Variants in ENTPD7 observed in about 807,000 individuals in gnomAD.
ENTPD7 encodes NTPDase 7.
A neutral mutation model predicts 77.9 loss-of-function variants in ENTPD7; 53 were observed. The ratio of observed to expected loss-of-function variants is 0.68; its 90% confidence interval spans 0.55 to 0.85. The LOEUF is 0.85. ENTPD7 is among the 40% of genes least tolerant of loss of function. The pLI, the probability that ENTPD7 is intolerant of heterozygous loss-of-function variation, is 0.00. For synonymous variants in ENTPD7, 248 were observed against 274.9 expected (o/e 0.90, Z 0.97); for missense variants, 636 against 743.7 (o/e 0.86, Z 1.68).
At chr10:99,669,117 A>G (rs1209820973) in intron 3 of ENTPD7, among the ~76,000 whole-genome samples, 9 of 151,178 alleles carry the variant, frequency 6.0e-5, no homozygotes, top group African/African-American at 2.2e-4. Flanking sequence ...GGCTCAAGCA[A>G]TCCACCTGCC....
At chr10:99,696,193 C>CA in intron 9 of ENTPD7, 71 bp downstream of exon 9, 1 of 1,548,972 alleles carries the variant, frequency 6.5e-7, no homozygotes, top group Non-Finnish European at 8.8e-7. Context: ...GAAATACTCA[C>CA]ATCCTCCTAA....
chr10:99,674,745 T>C (rs1211184352), intron 3 of ENTPD7, among the ~76,000 whole-genome samples: 1 of 152,240 alleles, frequency 6.6e-6, no homozygotes, highest in Non-Finnish European at 1.5e-5. Context: ...TTGTCATGTT[T>C]TTTACCTTTT....
intron 8 of ENTPD7, among the ~76,000 whole-genome samples, chr10:99,692,305 C>T (rs997674545): frequency 2.0e-5 from 3 of 152,184 alleles, no homozygotes; most frequent in Non-Finnish European, 2.9e-5. Context: ...TACCAGATGT[C>T]AGTAACAACC....
chr10:99,701,760 TA>T (rs2036134684), intron 11 of ENTPD7, among the ~76,000 whole-genome samples: 2 of 151,986 alleles, frequency 1.3e-5, no homozygotes, highest in Non-Finnish European at 2.9e-5. Context: ...AAAAATTGTT[TA>T]AAATTGCCGG....
In ENTPD7 at chr10:99,709,674, C is replaced by G. The variant is rs2036324168; in HGVS notation, c.*4991C>G. On this transcript the variant is annotated 3_prime_UTR_variant, in exon 13 of 13. Coordinates refer to ENST00000370489, the MANE Select transcript of ENTPD7 (RefSeq NM_020354.5). ...AGCTGTGGCACCCTGTTTGGGTGTC[C>G]CATCTACCCTGTTTTCTGTTTCTGC... The G allele has an allele frequency of 1.0e-6, 1 of 985,254 alleles. No homozygotes were observed. The highest frequency in any genetic ancestry group is 1.2e-6 in the Non-Finnish European group (1 of 829,928). The allele number at this position is 985,254 out of a possible 1,614,324, so 61.0% of individuals were successfully genotyped here. A position where few individuals can be genotyped will look rare whatever the true frequency, so the allele number is the denominator to read the frequency against.
At chr10:99,701,141 T>A in intron 11 of ENTPD7, 83 bp downstream of exon 11, 1 of 1,194,640 alleles carries the variant, frequency 8.4e-7, no homozygotes. Flanking sequence ...ATAATGCAGA[T>A]TAGATTTCAT....
Position 99,710,762 on chromosome 10 carries a change from A to C in ENTPD7, c.*6079A>C. On this transcript the variant is annotated 3_prime_UTR_variant, in exon 13 of 13. Transcript: ENST00000370489. ...CCTAAAATCATGATTATCAGTGTTGATCTCTGCAACCAACATTGCTTTAGG... is the reference window on the plus strand; with the variant it reads ...CCTAAAATCATGATTATCAGTGTTGCTCTCTGCAACCAACATTGCTTTAGG... 2.0e-6 allele frequency: 2 copies of C among 985,374 alleles called. No homozygotes were observed. Among genetic ancestry groups the C allele is most frequent in the Non-Finnish European group, 2.4e-6 (2 of 829,882 alleles). The allele number at this position is 985,374 out of a possible 1,614,324, so 61.0% of individuals were successfully genotyped here.
At position 99,696,402 on chromosome 10, in the gene ENTPD7, G is replaced by A. The variant is rs117720647; in HGVS notation, c.1010+280G>A. 2.2e-4 allele frequency among the ~76,000 whole-genome samples: 33 copies of A among 152,310 alleles called. 1 individual carries two copies. In the East Asian group the frequency reaches 2.9e-3, roughly 13 times the overall value. On this transcript the variant is annotated intron_variant, in intron 9 of 12. Coordinates refer to ENST00000370489, the MANE Select transcript of ENTPD7 (RefSeq NM_020354.5). ...AGACCTAACATCATGGGAAAAGGGA[G>A]ATGAATTAAATTGCCAGTTTAAAAT...
Position 99,709,071 on chromosome 10 carries a change from T to C in ENTPD7, c.*4388T>C, listed in dbSNP as rs2036307681. On this transcript the variant is annotated 3_prime_UTR_variant, in exon 13 of 13. Coordinates refer to ENST00000370489, the MANE Select transcript of ENTPD7 (RefSeq NM_020354.5). Reference sequence around the variant, plus strand: ...TGTTCCTGTATTTCTTTTCGTACTTTTAAATTTTATACATCTTTTTAAAAC... The same window carrying C: ...TGTTCCTGTATTTCTTTTCGTACTTCTAAATTTTATACATCTTTTTAAAAC... The C allele has an allele frequency of 6.1e-6, 6 of 982,416 alleles. No individual in the cohort carries two copies. The highest frequency in any genetic ancestry group is 7.3e-6 in the Non-Finnish European group (6 of 827,164). The allele number at this position is 982,416 out of a possible 1,614,324, so 60.9% of individuals were successfully genotyped here. A position where few individuals can be genotyped will look rare whatever the true frequency, so the allele number is the denominator to read the frequency against.
At position 99,659,546 on chromosome 10, in the gene ENTPD7, T is replaced by C. The variant is rs116235501; in HGVS notation, c.-138T>C. The C allele has an allele frequency of 3.1e-3, 500 of 163,216 alleles. 3 individuals are homozygous for C. The highest frequency in any genetic ancestry group is 0.011 in the African/African-American group (476 of 41,880). The allele number at this position is 163,216 out of a possible 1,614,324, so 10.1% of individuals were successfully genotyped here. ...GGGGCCGCGGGGAGCAGCTCGGGAC[T>C]GAACCGAGAGGTGCCGAAGGAACCG... is the stretch of plus-strand genomic sequence containing the variant. On this transcript the variant is annotated 5_prime_UTR_variant, in exon 1 of 13. Transcript: ENST00000370489. This position sits in a 1 kb window ranked among gnomAD's most constrained non-coding sequence, Gnocchi z 4.1.
chr10:99,698,152 C>T (rs1187664771), intron 9 of ENTPD7, among the ~76,000 whole-genome samples: 7 of 152,180 alleles, frequency 4.6e-5, no homozygotes, highest in Admixed American at 4.6e-4. Flanking sequence ...CAGTCCTTCC[C>T]ACCTCACCCC....
Position 99,706,508 on chromosome 10 carries a change from TA to T in ENTPD7, c.*1826del, listed in dbSNP as rs1325768002. 2.7e-5 allele frequency among the ~76,000 whole-genome samples: 3 copies of T among 112,188 alleles called. No homozygotes were observed. Among genetic ancestry groups the T allele is most frequent in the Non-Finnish European group, 6.3e-5 (3 of 47,884 alleles). The allele number at this position is 112,188 out of a possible 152,430, so 73.6% of individuals were successfully genotyped here. ...GCGCCACCACACTCAGCTAATTTTT[TA>T]TTTTATTTTTTTAGAGATGGAGTCT... is the stretch of plus-strand genomic sequence containing the variant. On this transcript the variant is annotated 3_prime_UTR_variant, in exon 13 of 13. Coordinates refer to ENST00000370489, the MANE Select transcript of ENTPD7 (RefSeq NM_020354.5).
chr10:99,688,224 G>A (rs12258121), intron 6 of ENTPD7, among the ~76,000 whole-genome samples: 1 of 152,006 alleles, frequency 6.6e-6, no homozygotes, highest in African/African-American at 2.4e-5. Context: ...ATCTGAGGGG[G>A]AAAAAATGGG....
chr10:99,672,172 C>T (rs956096934), intron 3 of ENTPD7, among the ~76,000 whole-genome samples: 1 of 152,030 alleles, frequency 6.6e-6, no homozygotes, highest in African/African-American at 2.4e-5. Flanking sequence ...TTTTTAGAGA[C>T]AGGGGTCTCA....
Position 99,704,592 on chromosome 10 carries a change from T to C in ENTPD7, c.1724T>C (p.Ile575Thr). 1 of 1,614,168 alleles carries C rather than the reference T, an allele frequency of 6.2e-7. No individual in the cohort carries two copies. Among genetic ancestry groups the C allele is most frequent in the Non-Finnish European group, 8.5e-7 (1 of 1,180,024 alleles). The change falls in exon 13 of 13, where the codon ATT (isoleucine) becomes ACT (threonine). Residue 575 changes from isoleucine to threonine, a missense_variant. Ile to Thr is a moderately conservative substitution (Grantham distance 89, BLOSUM62 -1). This residue lies in a region of ENTPD7 where 138 missense variants were observed against 150.9 expected (regional missense o/e 0.91). Coordinates refer to ENST00000370489, the MANE Select transcript of ENTPD7 (RefSeq NM_020354.5). ...IFLYLLRLRR[I>T]HHRQTRASAP... Reference sequence around the variant, plus strand: ...CTATACCTTCTGCGGCTACGCCGAATTCACCACCGACAAACACGAGCCTCA... The same window carrying C: ...CTATACCTTCTGCGGCTACGCCGAACTCACCACCGACAAACACGAGCCTCA...
rs767963453 is a variant in ENTPD7, at chr10:99,685,892, G to C, written c.649G>C (p.Glu217Gln). ...SQAEVISGKQ[E>Q]GVYAWIGINF... The stretch of plus-strand genomic sequence containing the variant: ...AGCAGAAGTGATCTCTGGGAAGCAG[G>C]AAGGTACTGGGCCTTAAGGGGTGCA... The change falls in exon 6 of 13, where the codon GAA becomes CAA. Residue 217 changes from glutamate to glutamine, a missense_variant. Glu to Gln is a conservative substitution (Grantham distance 29, BLOSUM62 2). Transcript: ENST00000370489. The C allele has an allele frequency of 1.5e-5, 24 of 1,612,098 alleles. No homozygotes were observed. Among genetic ancestry groups the C allele is most frequent in the Non-Finnish European group, 2.0e-5 (23 of 1,178,476 alleles).
intron 3 of ENTPD7, among the ~76,000 whole-genome samples, chr10:99,664,217 T>C (rs762851126): frequency 2.0e-5 from 3 of 152,190 alleles, no homozygotes; most frequent in Non-Finnish European, 2.9e-5. Context: ...CAAAATTAAA[T>C]AATGGCATGT....
chr10:99,664,778 T>C (rs1223760340), intron 3 of ENTPD7, among the ~76,000 whole-genome samples: 1 of 152,094 alleles, frequency 6.6e-6, no homozygotes, highest in East Asian at 1.9e-4. Flanking sequence ...TTCTCAGATA[T>C]GTATTAGTTA....
intron 6 of ENTPD7, among the ~76,000 whole-genome samples, chr10:99,687,020 C>T (rs2035821202): frequency 1.3e-5 from 2 of 149,960 alleles, no homozygotes; most frequent in African/African-American, 2.5e-5. Flanking sequence ...TGGGTTCAAG[C>T]GATTCTCCTG....
Sources: gnomAD v4.1 joint callset for allele counts (sites outside exome capture counted in the v4.1 genomes callset) on GRCh38, gnomAD v4.1.1 for gene constraint, gnomAD v4.1.1 regional missense constraint, Gnocchi (gnomAD v3.1) non-coding constraint, MANE v1.5 for transcripts, NCBI Gene and HGNC (gene_info 2026-07-23, HGNC 2026-07-21) for gene names.